Variants in SCHIP1 observed in about 807,000 individuals in gnomAD.
SCHIP1 encodes schwannomin interacting protein 1, also known as schwannomin-interacting protein 1.
A neutral mutation model predicts 29.7 loss-of-function variants in SCHIP1; 8 were observed. The observed-to-expected ratio is 0.27, with a 90% CI of 0.16 to 0.49. SCHIP1 has a LOEUF of 0.49. Among genes scored for constraint, SCHIP1 ranks in the 20% least tolerant of loss-of-function variants. The probability of loss-of-function intolerance (pLI) is 0.99; values close to 1 mark genes in which losing one functional copy is unlikely to be tolerated. For missense variants in SCHIP1, 193 were observed against 294.6 expected, an observed-to-expected ratio of 0.66 and a Z score of 2.52; for synonymous variants, 76 against 94.9, an observed-to-expected ratio of 0.80 and a Z score of 1.16.
At chr3:159,350,739 G>A in the SCHIP1 span, among the ~76,000 whole-genome samples, 1 of 151,996 alleles carries the variant, frequency 6.6e-6, no homozygotes, top group South Asian at 2.1e-4. Context: ...ATCTCACATA[G>A]TTACTCATTT....
the SCHIP1 span, among the ~76,000 whole-genome samples, chr3:159,547,037 A>G: frequency 1.3e-5 from 2 of 152,182 alleles, no homozygotes; most frequent in Non-Finnish European, 2.9e-5. Context: ...CATTCCCACC[A>G]AAAGTGTAAA....
chr3:159,402,608 A>G, the SCHIP1 span, among the ~76,000 whole-genome samples: 1 of 152,260 alleles, frequency 6.6e-6, no homozygotes, highest in South Asian at 2.1e-4. Context: ...GCCATAAAAA[A>G]TGATGAGTTC....
chr3:159,541,697 A>T, the SCHIP1 span, among the ~76,000 whole-genome samples: 1 of 152,098 alleles, frequency 6.6e-6, no homozygotes, highest in African/African-American at 2.4e-5. Flanking sequence ...ACAAGTCTGC[A>T]TTCCTGTTTT....
chr3:159,749,771 C>T, the SCHIP1 span, among the ~76,000 whole-genome samples: 1 of 152,124 alleles, frequency 6.6e-6, no homozygotes, highest in Admixed American at 6.6e-5. Flanking sequence ...ATAAATTGAA[C>T]ACATATGCAT....
chr3:159,413,422 T>G, the SCHIP1 span, among the ~76,000 whole-genome samples: 2 of 152,192 alleles, frequency 1.3e-5, no homozygotes, highest in African/African-American at 4.8e-5. Context: ...TACTCCAATA[T>G]TCTTTGAAAC....
chr3:159,402,139 T>C, the SCHIP1 span, among the ~76,000 whole-genome samples: 3 of 152,158 alleles, frequency 2.0e-5, no homozygotes, highest in Non-Finnish European at 4.4e-5. Context: ...CAGACACTTC[T>C]CAAAAGAAGA....
the SCHIP1 span, among the ~76,000 whole-genome samples, chr3:159,395,570 G>T: frequency 6.6e-6 from 1 of 151,892 alleles, no homozygotes; most frequent in African/African-American, 2.4e-5. Flanking sequence ...CCTTCATTTC[G>T]TTATGTACCC....
chr3:159,455,720 A>G, the SCHIP1 span, among the ~76,000 whole-genome samples: 1 of 152,244 alleles, frequency 6.6e-6, no homozygotes, highest in African/African-American at 2.4e-5. Flanking sequence ...CTATTTTACT[A>G]TCACACCACA....
chr3:159,827,811 C>CAA, the SCHIP1 span, among the ~76,000 whole-genome samples: 325 of 75,500 alleles, frequency 4.3e-3, 5 homozygotes, highest in African/African-American at 0.011. Context: ...GACTCCGTCT[C>CAA]AAAAAAAAAA....
chr3:159,565,394 C>T, the SCHIP1 span, among the ~76,000 whole-genome samples: 1 of 152,290 alleles, frequency 6.6e-6, no homozygotes, highest in East Asian at 1.9e-4. Flanking sequence ...TTGAAGACTA[C>T]AGCTTTAGAT....
the SCHIP1 span, among the ~76,000 whole-genome samples, chr3:159,306,139 C>T: frequency 6.6e-6 from 1 of 152,172 alleles, no homozygotes; most frequent in Non-Finnish European, 1.5e-5. Context: ...ATATTAATCA[C>T]CATCTGCAGT....
At chr3:159,822,384 G>A in the SCHIP1 span, among the ~76,000 whole-genome samples, 1 of 151,952 alleles carries the variant, frequency 6.6e-6, no homozygotes, top group East Asian at 1.9e-4. Flanking sequence ...TGCAATGGAA[G>A]AATTATTGGA....
chr3:159,894,737 G>A (rs1394249629), intron 6 of SCHIP1: 1 of 151,556 alleles, frequency 6.6e-6, no homozygotes, highest in African/African-American at 2.4e-5. Flanking sequence ...AAGAGTTTTG[G>A]TGGGGCTTCA....
the SCHIP1 span, among the ~76,000 whole-genome samples, chr3:159,745,572 A>C: frequency 6.6e-6 from 1 of 152,172 alleles, no homozygotes; most frequent in Non-Finnish European, 1.5e-5. Flanking sequence ...CCTCAGCCCA[A>C]GTCTCTTTCT....
chr3:159,364,736 G>C, the SCHIP1 span, among the ~76,000 whole-genome samples: 1 of 152,154 alleles, frequency 6.6e-6, no homozygotes, highest in South Asian at 2.1e-4. Context: ...ATGTGAAAGT[G>C]ACTCACGGGT....
At chr3:159,820,993 G>C in the SCHIP1 span, among the ~76,000 whole-genome samples, 2 of 152,194 alleles carry the variant, frequency 1.3e-5, no homozygotes, top group Non-Finnish European at 2.9e-5. Flanking sequence ...AGTGCAACTG[G>C]GAAACTGAAT....
chr3:159,879,355 C>A (rs1716206942), intron 2 of SCHIP1, among the ~76,000 whole-genome samples: 1 of 151,720 alleles, frequency 6.6e-6, no homozygotes, highest in African/African-American at 2.4e-5. Context: ...TCAAGACGGA[C>A]TTTCCTAAAG....
intron 2 of SCHIP1, among the ~76,000 whole-genome samples, chr3:159,884,573 A>C (rs1560096218): frequency 6.6e-6 from 1 of 152,178 alleles, no homozygotes; most frequent in Non-Finnish European, 1.5e-5. Context: ...CACCTCTAAA[A>C]TTCTGTTCCT....
chr3:159,462,449 G>T, the SCHIP1 span, among the ~76,000 whole-genome samples: 1 of 151,956 alleles, frequency 6.6e-6, no homozygotes, highest in Admixed American at 6.6e-5. Flanking sequence ...AGGACCTCTG[G>T]TATCTCTCAG....
Sources: allele counts gnomAD v4.1 joint callset (sites outside exome capture counted in the v4.1 genomes callset), GRCh38; gene constraint gnomAD v4.1.1; transcripts MANE v1.5; gene names NCBI Gene and HGNC (gene_info 2026-07-23, HGNC 2026-07-21).